The following MGRN1 variants were observed in gnomAD, a reference collection of about 807,000 sequenced individuals.
MGRN1 encodes the protein E3 ubiquitin-protein ligase MGRN1.
A neutral mutation model predicts 69.2 loss-of-function variants in MGRN1; 29 were observed. That is an observed-to-expected ratio of 0.42 (90% CI 0.31 to 0.57). MGRN1 has a LOEUF of 0.57. Among genes scored for constraint, MGRN1 ranks in the 20% least tolerant of loss-of-function variants. The probability of loss-of-function intolerance (pLI) is 0.15; values close to 1 mark genes in which losing one functional copy is unlikely to be tolerated. For missense variants in MGRN1, 998 were observed against 796.2 expected, an observed-to-expected ratio of 1.25 and a Z score of -3.05; for synonymous variants, 470 against 344.2, an observed-to-expected ratio of 1.37 and a Z score of -4.04.
rs118101604 is a variant in MGRN1 at position 4,667,796 on chromosome 16, G to A, written c.679-469G>A. Among the ~76,000 whole-genome samples the A allele has an allele frequency of 4.9e-3, 749 of 152,294 alleles. 4 individuals carry two copies. The highest frequency in any genetic ancestry group is 8.5e-3 in the Non-Finnish European group (578 of 68,018). ...CGTTCCTGCGTTTTTAGAGCTTTGC[G>A]GTTCCCTGTGTGTGCACCACTGTGC... is the stretch of plus-strand genomic sequence containing the variant. On this transcript the variant is annotated intron_variant, in intron 7 of 16. Transcript: ENST00000262370.
At chr16:4,681,135 G>C (rs980724651) in intron 12 of MGRN1, among the ~76,000 whole-genome samples, 2 of 152,240 alleles carry the variant, frequency 1.3e-5, no homozygotes, top group Non-Finnish European at 2.9e-5. Context: ...CAACAGCTCA[G>C]CTCTCCCTGG....
chr16:4,632,816 C>T (rs1362493278), intron 1 of MGRN1, among the ~76,000 whole-genome samples: 1 of 152,272 alleles, frequency 6.6e-6, no homozygotes, highest in African/African-American at 2.4e-5. Flanking sequence ...GGCGTGGTGG[C>T]TCACATTTGT....
chr16:4,673,519 G>A lies in MGRN1; in HGVS notation c.817G>A (p.Asp273Asn), dbSNP rs779986534. The A allele has an allele frequency of 3.7e-6, 6 of 1,613,344 alleles. No homozygotes were observed. In the South Asian group the frequency reaches 4.4e-5, roughly 12 times the overall value. Reference sequence around the variant, plus strand: ...GCAGCCCTCGGACGACGAGAACAGCGACAACAGCAACGAGTGTGTGGTGTG... The same window carrying A: ...GCAGCCCTCGGACGACGAGAACAGCAACAACAGCAACGAGTGTGTGGTGTG... ...ETKPSDDENS[D>N]NSNECVVCLS... The change falls in exon 10 of 17, where the codon GAC becomes AAC. Residue 273 changes from aspartate to asparagine, a missense_variant. Asp to Asn is a conservative substitution (Grantham distance 23, BLOSUM62 1). Transcript: ENST00000262370.
intron 9 of MGRN1, 59 bp downstream of exon 9, chr16:4,671,518 G>A (rs550086607): frequency 1.8e-5 from 28 of 1,525,884 alleles, no homozygotes; most frequent in East Asian, 9.0e-5. Context: ...AGGAGCAGCC[G>A]CGGACAGCAA....
chr16:4,681,688 T>A lies in MGRN1; in HGVS notation c.1270T>A (p.Ser424Thr). 1.9e-6 allele frequency: 3 copies of A among 1,613,394 alleles called. No individual in the cohort carries two copies. The highest frequency in any genetic ancestry group is 2.5e-6 in the Non-Finnish European group (3 of 1,179,998). Residue 424 changes from serine to threonine, a missense_variant, in exon 13 of 17, where the codon TCC (serine) becomes ACC (threonine). Ser to Thr is a moderately conservative substitution (Grantham distance 58). Transcript: ENST00000262370. ...ITYSGISDGL[S>T]QASCPLAAID... is the part of the protein sequence containing the mutation. Reference sequence around the variant, plus strand: ...CTATTCAGGCATCTCGGACGGCCTGTCCCAGGCCAGCTGTCCCCTCGCGGC... The same window carrying A: ...CTATTCAGGCATCTCGGACGGCCTGACCCAGGCCAGCTGTCCCCTCGCGGC...
rs919404690 is a variant in MGRN1 at position 4,681,750 on chromosome 16, C to G, written c.1332C>G (p.Gly444=). 6.2e-7 allele frequency: 1 copy of G among 1,612,372 alleles called. No individual in the cohort carries two copies. Among genetic ancestry groups the G allele is most frequent in the East Asian group, 2.2e-5 (1 of 44,878 alleles). The change falls in exon 13 of 17, where the codon GGC becomes GGG. Residue 444 remains glycine, a synonymous_variant. Coordinates refer to ENST00000262370, the MANE Select transcript of MGRN1 (RefSeq NM_015246.4). ...DHILDSSRQK[G]RPQSKAPDST... is the part of the protein sequence containing the mutation. ...TCCTGGACAGCAGCCGCCAGAAGGG[C>G]AGGCCGCAGAGCAAGGCCCCCGACA...
rs913092523 is a variant in MGRN1, at chr16:4,689,725, A to G, written c.*817A>G. ...CCAGGGAGGACCTGGTGGCCTCCTC[A>G]TTCTCTTTTGCCATTGGAATGTCCC... On this transcript the variant is annotated 3_prime_UTR_variant, in exon 17 of 17. Coordinates refer to ENST00000262370, the MANE Select transcript of MGRN1 (RefSeq NM_015246.4). 2.7e-5 allele frequency: 4 copies of G among 149,852 alleles called. No individual in the cohort carries two copies. The highest frequency in any genetic ancestry group is 5.9e-5 in the Non-Finnish European group (4 of 67,740). The allele number at this position is 149,852 out of a possible 1,614,324, so 9.3% of individuals were successfully genotyped here.
At chr16:4,681,470 G>A (rs941109688) in intron 12 of MGRN1, 80 bp from the exon 13 acceptor site, 32 of 1,366,176 alleles carry the variant, frequency 2.3e-5, no homozygotes, top group Middle Eastern at 1.8e-4. Flanking sequence ...GAACAGAGTG[G>A]ACAGGAGGTC....
chr16:4,685,522 T>C (rs1405194648), intron 16 of MGRN1, among the ~76,000 whole-genome samples: 4 of 152,256 alleles, frequency 2.6e-5, no homozygotes, highest in East Asian at 3.8e-4. Flanking sequence ...GGTGAACTCC[T>C]GGGCCCTGGG....
chr16:4,683,960 G>T, intron 16 of MGRN1, 28 bp downstream of exon 16: 1 of 1,435,122 alleles, frequency 7.0e-7, no homozygotes, highest in Non-Finnish European at 9.6e-7. Flanking sequence ...TGGGGGTGAG[G>T]GGCTGGGTGC....
At chr16:4,672,836 T>C (rs2078969124) in intron 9 of MGRN1, among the ~76,000 whole-genome samples, 2 of 152,206 alleles carry the variant, frequency 1.3e-5, no homozygotes, top group South Asian at 4.1e-4. Context: ...TGTTTTTTGT[T>C]TTTTTTGTTT....
At chr16:4,686,947 C>G in intron 16 of MGRN1, 1 of 985,510 alleles carries the variant, frequency 1.0e-6, no homozygotes, top group Non-Finnish European at 1.2e-6. Context: ...GAGGGGCCCT[C>G]TGGTGCCCAG....
chr16:4,673,410 G>C, intron 9 of MGRN1, 88 bp from the exon 10 acceptor site: 3 of 1,515,108 alleles, frequency 2.0e-6, no homozygotes, highest in Middle Eastern at 2.1e-4. Context: ...GGGTAGGGTG[G>C]AGTGGGGTGG....
At chr16:4,655,187 G>C (rs532698081) in intron 4 of MGRN1, among the ~76,000 whole-genome samples, 1 of 152,296 alleles carries the variant, frequency 6.6e-6, no homozygotes, top group East Asian at 1.9e-4. Context: ...GGCTGCCACA[G>C]AGAGGGTGTG....
chr16:4,639,040 C>A (rs1042199593), intron 1 of MGRN1, among the ~76,000 whole-genome samples: 1 of 152,184 alleles, frequency 6.6e-6, no homozygotes, highest in African/African-American at 2.4e-5. Context: ...GTTGTGTGAC[C>A]TGAGCAGGTC....
intron 3 of MGRN1, 49 bp downstream of exon 3, chr16:4,652,100 C>G (rs759185018): frequency 8.3e-6 from 13 of 1,571,982 alleles, no homozygotes; most frequent in Non-Finnish European, 1.0e-5. Flanking sequence ...GGGGCGCAGC[C>G]TGTGGTGGAG....
chr16:4,650,618 A>T, intron 2 of MGRN1, 135 bp downstream of exon 2: 5 of 699,584 alleles, frequency 7.1e-6, no homozygotes, highest in Non-Finnish European at 1.2e-5. Flanking sequence ...GCAGGATTCC[A>T]GTTGAGCTTG....
At chr16:4,668,571 ACT>A (rs1222175383) in intron 8 of MGRN1, among the ~76,000 whole-genome samples, 1 of 151,436 alleles carries the variant, frequency 6.6e-6, no homozygotes, top group African/African-American at 2.4e-5. Flanking sequence ...ACTCGCACAC[ACT>A]CATACAGACA....
At chr16:4,684,342 C>G (rs1290204201) in intron 16 of MGRN1, among the ~76,000 whole-genome samples, 5 of 152,200 alleles carry the variant, frequency 3.3e-5, no homozygotes, top group Non-Finnish European at 7.3e-5. Flanking sequence ...CGTGGGCCCA[C>G]AGGCCCCATG....
Sources: allele counts gnomAD v4.1 joint callset (sites outside exome capture counted in the v4.1 genomes callset), GRCh38; gene constraint gnomAD v4.1.1; transcripts MANE v1.5; gene names NCBI Gene and HGNC (gene_info 2026-07-23, HGNC 2026-07-21).